GPM6A: variants seen among roughly 807,000 people sequenced by gnomAD.
GPM6A encodes glycoprotein M6A.
A neutral mutation model predicts 32.1 loss-of-function variants in GPM6A; 7 were observed. The observed-to-expected ratio is 0.22, with a 90% CI of 0.12 to 0.41. The LOEUF is 0.41. GPM6A is among the 10% of genes least tolerant of loss of function. The pLI is 1.00. For missense variants in GPM6A, 235 were observed against 347.2 expected (o/e 0.68, Z 2.57); for synonymous variants, 130 against 123.4 (o/e 1.05, Z -0.35).
At chr4:175,774,476 C>T (rs62336047) in intron 1 of GPM6A, among the ~76,000 whole-genome samples, 4,989 of 152,006 alleles carry the variant, frequency 0.033, 112 homozygotes, top group Non-Finnish European at 0.049. Context: ...TAATTTAACT[C>T]AGTAAAATAA....
chr4:175,886,244 G>A (rs1387383606), intron 1 of GPM6A, among the ~76,000 whole-genome samples: 1 of 151,934 alleles, frequency 6.6e-6, no homozygotes, highest in Non-Finnish European at 1.5e-5. Flanking sequence ...ATATCAAAAC[G>A]ACCTTAAAAG....
intron 1 of GPM6A, among the ~76,000 whole-genome samples, chr4:175,874,746 C>T (rs1323897952): frequency 2.0e-5 from 3 of 151,560 alleles, no homozygotes; most frequent in African/African-American, 7.3e-5. Context: ...TAGATGGCAC[C>T]GAGAATGAGG....
intron 1 of GPM6A, among the ~76,000 whole-genome samples, chr4:175,802,578 A>C (rs1194368554): frequency 1.3e-5 from 2 of 152,150 alleles, no homozygotes; most frequent in East Asian, 3.8e-4. Context: ...ATTACCTTGA[A>C]CATTACTAAA....
At chr4:175,999,225 G>T (rs908438280) in intron 1 of GPM6A, among the ~76,000 whole-genome samples, 1 of 152,212 alleles carries the variant, frequency 6.6e-6, no homozygotes, top group Admixed American at 6.5e-5. Context: ...TAAGTGTTGT[G>T]TTCAGGAGAA....
intron 1 of GPM6A, among the ~76,000 whole-genome samples, chr4:175,748,146 C>T (rs762087014): frequency 6.6e-6 from 1 of 152,080 alleles, no homozygotes; most frequent in African/African-American, 2.4e-5. Flanking sequence ...AAGTCTTGAA[C>T]CCCTCAAAGT....
chr4:175,924,527 T>C (rs989250212), intron 1 of GPM6A, among the ~76,000 whole-genome samples: 6 of 152,062 alleles, frequency 3.9e-5, no homozygotes, highest in African/African-American at 1.4e-4. Context: ...GCTGAGTGCT[T>C]CTGCCTGAGA....
At chr4:175,776,996 CAT>C (rs772916594) in intron 1 of GPM6A, among the ~76,000 whole-genome samples, 3 of 152,174 alleles carry the variant, frequency 2.0e-5, no homozygotes, top group Non-Finnish European at 2.9e-5. Context: ...TTTATACACA[CAT>C]GGGTGTGTGC....
At chr4:175,650,877 G>A (rs1298386614) in intron 4 of GPM6A, among the ~76,000 whole-genome samples, 2 of 152,176 alleles carry the variant, frequency 1.3e-5, no homozygotes, top group East Asian at 1.9e-4. Flanking sequence ...GGCTTTTAAT[G>A]TCTGTTCAGA....
chr4:175,890,653 A>T (rs1178737029), intron 1 of GPM6A, among the ~76,000 whole-genome samples: 1 of 151,846 alleles, frequency 6.6e-6, no homozygotes, highest in Non-Finnish European at 1.5e-5. Flanking sequence ...CGCAGCCTCT[A>T]ACTGCTGGGC....
chr4:175,957,173 A>G (rs1740013980), intron 1 of GPM6A, among the ~76,000 whole-genome samples: 1 of 152,200 alleles, frequency 6.6e-6, no homozygotes, highest in Non-Finnish European at 1.5e-5. Context: ...AAGTTACAAC[A>G]CATGAACAGG....
intron 1 of GPM6A, among the ~76,000 whole-genome samples, chr4:175,938,735 AC>A (rs58051279): frequency 0.1 from 9,067 of 89,190 alleles, 855 homozygotes; most frequent in African/African-American, 0.23. Context: ...TTAAAGTAAA[AC>A]CAAAAAAAAA....
chr4:175,759,292 G>A (rs544597493), intron 1 of GPM6A, among the ~76,000 whole-genome samples: 2 of 151,292 alleles, frequency 1.3e-5, no homozygotes, highest in East Asian at 3.9e-4. Context: ...GGGGTTTGAG[G>A]AATACGGGGG....
chr4:175,742,134 G>A (rs949494967), intron 1 of GPM6A, among the ~76,000 whole-genome samples: 2 of 151,906 alleles, frequency 1.3e-5, no homozygotes, highest in Non-Finnish European at 2.9e-5. Context: ...CTCTTAAGTG[G>A]ATGAAATTGA....
At chr4:175,814,231 A>G (rs1735032099), upstream of GPM6A, among the ~76,000 whole-genome samples, 2 of 152,244 alleles carry the variant, frequency 1.3e-5, no homozygotes, top group Non-Finnish European at 2.9e-5. Context: ...ACATGATTAC[A>G]TACATTAACC....
intron 2 of GPM6A, among the ~76,000 whole-genome samples, chr4:175,692,961 T>G (rs1456303462): frequency 2.0e-5 from 3 of 152,086 alleles, no homozygotes; most frequent in African/African-American, 7.2e-5. Context: ...AAATACCATA[T>G]AGTATAATAT....
rs931883595 is a variant in GPM6A at position 175,633,421 on chromosome 4, G to T, written c.*1484C>A. On this transcript the variant is annotated 3_prime_UTR_variant, in exon 7 of 7. Transcript: ENST00000393658. ...AAGAACTTGTAAAATTACTGATGAT[G>T]CATGACTAGTCATTGTACAAAGATT... The T allele has an allele frequency of 6.6e-6, 1 of 152,380 alleles. No individual in the cohort carries two copies. Among genetic ancestry groups the T allele is most frequent in the Non-Finnish European group, 1.5e-5 (1 of 67,918 alleles). 9.4% of individuals were successfully genotyped at this position (152,380 alleles called of 1,614,324 possible).
chr4:175,672,428 A>G (rs1743134422), intron 3 of GPM6A, among the ~76,000 whole-genome samples: 1 of 152,218 alleles, frequency 6.6e-6, no homozygotes, highest in Non-Finnish European at 1.5e-5. Context: ...GCCAATTACT[A>G]TATAACTCAA....
intron 1 of GPM6A, among the ~76,000 whole-genome samples, chr4:175,822,255 A>C (rs1735298568): frequency 6.6e-6 from 1 of 152,156 alleles, no homozygotes; most frequent in African/African-American, 2.4e-5. Flanking sequence ...ATTGGTCATG[A>C]TATGTAATTG....
At chr4:175,745,626 A>G (rs1579452381) in intron 1 of GPM6A, among the ~76,000 whole-genome samples, 1 of 152,222 alleles carries the variant, frequency 6.6e-6, no homozygotes, top group Non-Finnish European at 1.5e-5. Flanking sequence ...AGAAATCCTC[A>G]TAACGAGAAC....
Sources: allele counts gnomAD v4.1 joint callset (sites outside exome capture counted in the v4.1 genomes callset), GRCh38; gene constraint gnomAD v4.1.1; transcripts MANE v1.5; gene names NCBI Gene and HGNC (gene_info 2026-07-23, HGNC 2026-07-21).